The following LIN28A variants were observed in gnomAD, a reference collection of about 807,000 sequenced individuals.
LIN28A encodes protein lin-28 homolog A.
A neutral mutation model predicts 21.1 loss-of-function variants in LIN28A; 11 were observed. That is an observed-to-expected ratio of 0.52 (90% CI 0.33 to 0.86). The LOEUF is 0.86. Ranked by LOEUF, LIN28A falls within the 40% of genes least tolerant of loss-of-function variation. The probability of loss-of-function intolerance (pLI) is 0.03; values close to 1 mark genes in which losing one functional copy is unlikely to be tolerated. For synonymous variants in LIN28A, 111 were observed against 108.7 expected, an observed-to-expected ratio of 1.02 and a Z score of -0.13; for missense variants, 219 against 279.8, an observed-to-expected ratio of 0.78 and a Z score of 1.55.
At chr1:26,418,369 A>AC (rs551072847) in intron 2 of LIN28A, among the ~76,000 whole-genome samples, 82 of 151,786 alleles carry the variant, frequency 5.4e-4, no homozygotes, top group Middle Eastern at 3.4e-3. Context: ...ACGCGGTGAA[A>AC]CCCCGTCTCT....
intron 2 of LIN28A, among the ~76,000 whole-genome samples, chr1:26,413,079 GC>G (rs2074970958): frequency 6.6e-6 from 1 of 152,112 alleles, no homozygotes; most frequent in Non-Finnish European, 1.5e-5. Context: ...AAGGGAATTG[GC>G]CTTTTTAGAT....
At chr1:26,423,839 T>C (rs1005110794) in intron 2 of LIN28A, among the ~76,000 whole-genome samples, 6 of 151,630 alleles carry the variant, frequency 4.0e-5, no homozygotes, top group South Asian at 2.1e-4. Context: ...CTCAGCTCAC[T>C]GCAAGCTCTG....
Position 26,426,261 on chromosome 1 carries a change from C to G in LIN28A, c.433C>G (p.Leu145Val). Residue 145 changes from leucine to valine, a missense_variant, in exon 4 of 4, where the codon CTA (leucine) becomes GTA (valine). Coordinates refer to ENST00000326279, the MANE Select transcript of LIN28A (RefSeq NM_024674.6). Reference protein sequence around the residue: ...KGDRCYNCGGLDHHAKECKLP... With the variant: ...KGDRCYNCGGVDHHAKECKLP... ...TACTAGGTGCTACAACTGTGGAGGT[C>G]TAGATCATCATGCCAAGGAATGCAA... The G allele has an allele frequency of 6.2e-7, 1 of 1,614,132 alleles. No homozygotes were observed. The highest frequency in any genetic ancestry group is 8.5e-7 in the Non-Finnish European group (1 of 1,179,998).
chr1:26,423,598 G>A (rs1208444524), intron 2 of LIN28A, among the ~76,000 whole-genome samples: 1 of 150,332 alleles, frequency 6.7e-6, no homozygotes, highest in Non-Finnish European at 1.5e-5. Context: ...TAGTAGTAGA[G>A]ACAGGGTTTC....
intron 2 of LIN28A, among the ~76,000 whole-genome samples, chr1:26,416,393 G>T (rs2074993718): frequency 6.6e-6 from 1 of 152,176 alleles, no homozygotes; most frequent in Non-Finnish European, 1.5e-5. Context: ...CTTACAAGTG[G>T]TTTTCAGTAA....
chr1:26,423,912 G>A (rs1423742208), intron 2 of LIN28A, among the ~76,000 whole-genome samples: 5 of 150,726 alleles, frequency 3.3e-5, no homozygotes, highest in African/African-American at 1.2e-4. Flanking sequence ...ACAGGCACCC[G>A]CCACCACGCC....
At chr1:26,426,146 C>T (rs2075058065) in intron 3 of LIN28A, 96 bp from the exon 4 acceptor site, 3 of 971,844 alleles carry the variant, frequency 3.1e-6, no homozygotes, top group African/African-American at 3.2e-5. Flanking sequence ...AAGTAAGTGA[C>T]AAACCTGTAC....
In LIN28A at chr1:26,410,837, C is replaced by T. The variant is rs376483928; in HGVS notation, c.-55C>T. Reference sequence around the variant, plus strand: ...CCAACCCTTTGCCTTCGGACTTCTCCGGGGCCAGCAGCCGCCCGACCAGGG... The same window carrying T: ...CCAACCCTTTGCCTTCGGACTTCTCTGGGGCCAGCAGCCGCCCGACCAGGG... On this transcript the variant is annotated 5_prime_UTR_variant, in exon 1 of 4. Coordinates refer to ENST00000326279, the MANE Select transcript of LIN28A (RefSeq NM_024674.6). The T allele has an allele frequency of 6.3e-5, 100 of 1,597,688 alleles. 1 individual carries two copies. In the East Asian group the frequency reaches 1.5e-3, roughly 24 times the overall value.
rs11247957 is a variant in LIN28A, at chr1:26,429,683, G to A, written c.*3225G>A. 0.2 allele frequency: 31,003 copies of A among 152,036 alleles called. 3,871 individuals are homozygous for A. Among genetic ancestry groups the A allele is most frequent in the Middle Eastern group, 0.28 (83 of 294 alleles). The allele number at this position is 152,036 out of a possible 1,614,324, so 9.4% of individuals were successfully genotyped here. A position where few individuals can be genotyped will look rare whatever the true frequency, so the allele number is the denominator to read the frequency against. On this transcript the variant is annotated 3_prime_UTR_variant, in exon 4 of 4. Transcript: ENST00000326279. ...TTCCCTTCCCTTCTCCTTTCCCTGG[G>A]AAAATACAATGAATAAATAAAGACT...
rs146894413 is a variant in LIN28A, at chr1:26,416,412, A to T, written c.228+4830A>T. On this transcript the variant is annotated intron_variant, in intron 2 of 3. Transcript: ENST00000326279. ...CAAGTGGTTTTCAGTAACATTCACCAGGGCCATTTAGTTTTTTGAACATTG... is the reference window on the plus strand; with the variant it reads ...CAAGTGGTTTTCAGTAACATTCACCTGGGCCATTTAGTTTTTTGAACATTG... Among the ~76,000 whole-genome samples, 98 of 152,304 alleles carry T rather than the reference A, an allele frequency of 6.4e-4. 2 individuals carry two copies. The East Asian group carries it at 0.019, about 29-fold the overall frequency.
intron 2 of LIN28A, among the ~76,000 whole-genome samples, chr1:26,424,395 C>T (rs1024908441): frequency 2.0e-5 from 3 of 151,960 alleles, no homozygotes; most frequent in African/African-American, 7.3e-5. Flanking sequence ...GCGCCCACCA[C>T]CACACCCGGC....
Position 26,426,663 on chromosome 1 carries a change from G to A in LIN28A, c.*205G>A. 1.8e-6 allele frequency: 1 copy of A among 564,758 alleles called. No individual in the cohort carries two copies. Among genetic ancestry groups the A allele is most frequent in the Non-Finnish European group, 3.2e-6 (1 of 309,306 alleles). The allele number at this position is 564,758 out of a possible 1,614,324, so 35.0% of individuals were successfully genotyped here. The stretch of plus-strand genomic sequence containing the variant: ...CCAACCATGCTCTGTCCAAATGCAA[G>A]TGAGGGTTCTGGGGGCAACCAGGAG... On this transcript the variant is annotated 3_prime_UTR_variant, in exon 4 of 4. Coordinates refer to ENST00000326279, the MANE Select transcript of LIN28A (RefSeq NM_024674.6).
rs538750732 is a variant in LIN28A at position 26,417,268 on chromosome 1, G to T, written c.228+5686G>T. 1.3e-3 allele frequency among the ~76,000 whole-genome samples: 203 copies of T among 152,276 alleles called. 2 individuals are homozygous for T. Among genetic ancestry groups the T allele is most frequent in the African/African-American group, 4.6e-3 (191 of 41,564 alleles). On this transcript the variant is annotated intron_variant, in intron 2 of 3. Coordinates refer to ENST00000326279, the MANE Select transcript of LIN28A (RefSeq NM_024674.6). ...AGGGCCTGGCTGTGGCTGAGCAGAG[G>T]GGATCAGAGGGATTGGCTGCCTGCA...
chr1:26,416,025 C>T (rs1309754589), intron 2 of LIN28A, among the ~76,000 whole-genome samples: 1 of 152,040 alleles, frequency 6.6e-6, no homozygotes, highest in East Asian at 1.9e-4. Context: ...TAGAGTCTTG[C>T]TCTGTCGCCC....
chr1:26,414,597 C>G (rs1478829036), intron 2 of LIN28A, among the ~76,000 whole-genome samples: 1 of 152,162 alleles, frequency 6.6e-6, no homozygotes, highest in African/African-American at 2.4e-5. Flanking sequence ...TATAACAACT[C>G]TTTTCCTTAG....
chr1:26,411,755 TAGTGGGAGG>T lies in LIN28A; in HGVS notation c.228+174_228+182del, dbSNP rs1469348362. ...CCCTGTTAACTATCTCGTGGGGGAG[TAGTGGGAGG>T]CAGCACCAATTATCAGCACCCCCGC... On this transcript the variant is annotated intron_variant, in intron 2 of 3. Coordinates refer to ENST00000326279, the MANE Select transcript of LIN28A (RefSeq NM_024674.6). The surrounding 1 kb of genome is among the most constrained non-coding windows in gnomAD (Gnocchi z 5.4). Among the ~76,000 whole-genome samples, 4 of 151,132 alleles carry T rather than the reference TAGTGGGAGG, an allele frequency of 2.6e-5. No homozygotes were observed. Among genetic ancestry groups the T allele is most frequent in the Admixed American group, 1.3e-4 (2 of 15,164 alleles).
chr1:26,425,638 A>T (rs35015532), intron 3 of LIN28A, 151 bp downstream of exon 3: 278 of 677,586 alleles, frequency 4.1e-4, no homozygotes, highest in Middle Eastern at 3.8e-4. Context: ...AGGTGTGGGC[A>T]AGGGCAGTAG....
intron 2 of LIN28A, among the ~76,000 whole-genome samples, chr1:26,419,459 G>T (rs1168777276): frequency 6.6e-6 from 1 of 152,098 alleles, no homozygotes. Flanking sequence ...AACCTATGAG[G>T]TGTCCATAGA....
chr1:26,415,926 G>T (rs1360834022), intron 2 of LIN28A, among the ~76,000 whole-genome samples: 1 of 152,178 alleles, frequency 6.6e-6, no homozygotes, highest in Non-Finnish European at 1.5e-5. Context: ...GGTTCATGAA[G>T]ACATTGTGGA....
Sources: gnomAD v4.1 joint callset for allele counts (sites outside exome capture counted in the v4.1 genomes callset) on GRCh38, gnomAD v4.1.1 for gene constraint, Gnocchi (gnomAD v3.1) non-coding constraint, MANE v1.5 for transcripts, NCBI Gene and HGNC (gene_info 2026-07-23, HGNC 2026-07-21) for gene names.